Variants in DRG2 observed in about 807,000 individuals in gnomAD.
DRG2 encodes developmentally-regulated GTP-binding protein 2.
A neutral mutation model predicts 53.4 loss-of-function variants in DRG2; 36 were observed. The ratio of observed to expected loss-of-function variants is 0.67; its 90% CI spans 0.52 to 0.89. The LOEUF (loss-of-function observed/expected upper bound fraction) is 0.89. Ranked by LOEUF, DRG2 falls within the 40% of genes least tolerant of loss-of-function variation. The pLI is 0.00. For missense variants in DRG2, 342 were observed against 481.2 expected (o/e 0.71, Z 2.71); for synonymous variants, 167 against 192.1 (o/e 0.87, Z 1.08).
chr17:18,092,027 G>A (rs1174148902), intron 1 of DRG2: 2 of 152,284 alleles, frequency 1.3e-5, no homozygotes, highest in East Asian at 3.9e-4. Flanking sequence ...GACTGGGCAG[G>A]GGAGGCCTCT....
intron 8 of DRG2, 44 bp from the exon 9 acceptor site, chr17:18,101,877 C>G: frequency 6.3e-7 from 1 of 1,583,360 alleles, no homozygotes; most frequent in African/African-American, 1.3e-5. Flanking sequence ...TCCTGGATGC[C>G]TTGCTCCTGT....
Position 18,103,906 on chromosome 17 carries a change from G to A in DRG2, c.895+17G>A, listed in dbSNP as rs564468918. On this transcript the variant is annotated intron_variant, in intron 10 of 12. Transcript: ENST00000225729. The surrounding 1 kb of genome is among the most constrained non-coding windows in gnomAD (Gnocchi z 4.4). ...AGAGAGGACGTGAGTTGCACTGCGC[G>A]TAGCTGAAAAACAGGCTGAGCTTCA... The A allele has an allele frequency of 9.3e-6, 15 of 1,612,458 alleles. No individual in the cohort carries two copies. Among genetic ancestry groups the A allele is most frequent in the East Asian group, 2.2e-5 (1 of 44,882 alleles).
Position 18,104,776 on chromosome 17 carries a change from T to C in DRG2, c.954+95T>C. On this transcript the variant is annotated intron_variant, in intron 11 of 12. Transcript: ENST00000225729. ...GAGGTGCCCTGGGCTGGGGGTGGGCTCTGCTGGTCTCACTCTCAGATGTCA... is the reference window on the plus strand; with the variant it reads ...GAGGTGCCCTGGGCTGGGGGTGGGCCCTGCTGGTCTCACTCTCAGATGTCA... 4 of 1,583,990 alleles carry C rather than the reference T, an allele frequency of 2.5e-6. No individual in the cohort carries two copies. The South Asian group carries it at 4.5e-5, about 18-fold the overall frequency.
At position 18,103,689 on chromosome 17, in the gene DRG2, C is replaced by T; in HGVS notation, c.807-112C>T. ...TAATGGGCTTGTTTCCCTGTGGGTA[C>T]CAGCGGGCCACCTGGCCAGTGGAGG... On this transcript the variant is annotated intron_variant, in intron 9 of 12. Coordinates refer to ENST00000225729, the MANE Select transcript of DRG2 (RefSeq NM_001388.5). This position sits in a 1 kb window ranked among gnomAD's most constrained non-coding sequence, Gnocchi z 4.4. 1 of 951,796 alleles carries T rather than the reference C, an allele frequency of 1.1e-6. No homozygotes were observed. The highest frequency in any genetic ancestry group is 1.7e-6 in the Non-Finnish European group (1 of 598,958). The allele number at this position is 951,796 out of a possible 1,614,324, so 59.0% of individuals were successfully genotyped here.
rs774371504 is a variant in DRG2, at chr17:18,104,631, G to A, written c.904G>A (p.Asp302Asn). ...CCCATCCTGCCCTGCAGAGAGGCCA[G>A]ACTTCACAGACGCCATCATTCTCCG... ...IYTKKRGQRPDFTDAIILRKG... is the reference protein window; with the variant it reads ...IYTKKRGQRPNFTDAIILRKG... Residue 302 changes from aspartate to asparagine, a missense_variant, in exon 11 of 13, where the codon GAC (aspartate) becomes AAC (asparagine). Physicochemically the swap from Asp to Asn is conservative, Grantham distance 23 (BLOSUM62 1). Transcript: ENST00000225729. 6.2e-7 allele frequency: 1 copy of A among 1,613,916 alleles called. No homozygotes were observed. The highest frequency in any genetic ancestry group is 8.5e-7 in the Non-Finnish European group (1 of 1,180,028).
Position 18,098,991 on chromosome 17 carries a change from T to C in DRG2, c.316-26T>C, listed in dbSNP as rs1281539563. The C allele has an allele frequency of 6.2e-7, 1 of 1,613,582 alleles. No homozygotes were observed. Among genetic ancestry groups the C allele is most frequent in the East Asian group, 2.2e-5 (1 of 44,880 alleles). ...TTCCAGTGGAGGCCCAGCCTTGCCT[T>C]ACCTTTCTTCTCTTCTGCATCCTAG... is the stretch of plus-strand genomic sequence containing the variant. On this transcript the variant is annotated intron_variant, in intron 3 of 12. Coordinates refer to ENST00000225729, the MANE Select transcript of DRG2 (RefSeq NM_001388.5). The surrounding 1 kb of genome is among the most constrained non-coding windows in gnomAD (Gnocchi z 4.1).
At chr17:18,089,916 C>G (rs2045283661) in intron 1 of DRG2, among the ~76,000 whole-genome samples, 2 of 152,044 alleles carry the variant, frequency 1.3e-5, no homozygotes, top group Admixed American at 6.6e-5. Context: ...GGGTTGTGTT[C>G]TAAGGCAGTG....
chr17:18,090,393 TATATATA>T (rs1567598074), intron 1 of DRG2, among the ~76,000 whole-genome samples: 7 of 15,268 alleles, frequency 4.6e-4, no homozygotes, highest in African/African-American at 2.2e-3. Context: ...TATATATATA[TATATATA>T]TATATATTTT....
At position 18,099,514 on chromosome 17, in the gene DRG2, G is replaced by A. The variant is rs538507816; in HGVS notation, c.377-119G>A. 6 of 1,012,004 alleles carry A rather than the reference G, an allele frequency of 5.9e-6. No individual in the cohort carries two copies. Among genetic ancestry groups the A allele is most frequent in the Non-Finnish European group, 7.6e-6 (5 of 657,574 alleles). 62.7% of individuals were successfully genotyped at this position (1,012,004 alleles called of 1,614,324 possible). On this transcript the variant is annotated intron_variant, in intron 4 of 12. Coordinates refer to ENST00000225729, the MANE Select transcript of DRG2 (RefSeq NM_001388.5). This position sits in a 1 kb window ranked among gnomAD's most constrained non-coding sequence, Gnocchi z 4.4. ...TGGATTAAAGAAAAATGCCAAGCTT[G>A]TGCTAGTATGTGGCAGAGGCTGTGG...
Position 18,099,569 on chromosome 17 carries a change from G to A in DRG2, c.377-64G>A, listed in dbSNP as rs1023406053. On this transcript the variant is annotated intron_variant, in intron 4 of 12. Transcript: ENST00000225729. The surrounding 1 kb of genome is among the most constrained non-coding windows in gnomAD (Gnocchi z 4.4). Reference sequence around the variant, plus strand: ...TCTGTAAAGGACAGGAGTCCAGGGCGCCGTGGGCTGGGTAGCAGTCACATG... The same window carrying A: ...TCTGTAAAGGACAGGAGTCCAGGGCACCGTGGGCTGGGTAGCAGTCACATG... The A allele has an allele frequency of 1.0e-5, 16 of 1,524,158 alleles. No individual in the cohort carries two copies. Among genetic ancestry groups the A allele is most frequent in the East Asian group, 4.8e-5 (2 of 41,266 alleles). 94.4% of individuals were successfully genotyped at this position (1,524,158 alleles called of 1,614,324 possible).
In DRG2 at chr17:18,098,379, C is replaced by T. The variant is rs1489580098; in HGVS notation, c.315+20C>T. On this transcript the variant is annotated intron_variant, in intron 3 of 12. Coordinates refer to ENST00000225729, the MANE Select transcript of DRG2 (RefSeq NM_001388.5). This position sits in a 1 kb window ranked among gnomAD's most constrained non-coding sequence, Gnocchi z 4.1. ...ATTGAAGTAAGTGGGTGTGCTGGGC[C>T]CAGAAGGAGAAGGGGCGCATGCTTG... 1 of 1,609,694 alleles carries T rather than the reference C, an allele frequency of 6.2e-7. No individual in the cohort carries two copies. Among genetic ancestry groups the T allele is most frequent in the Non-Finnish European group, 8.5e-7 (1 of 1,176,168 alleles).
Position 18,100,408 on chromosome 17 carries a change from C to G in DRG2, c.513C>G (p.Asn171Lys), listed in dbSNP as rs2045510663. ...TGGAGTCTGTGGGCATCCGCCTCAA[C>G]AAGCACAAGCCTAACATCTACTTCA... is the stretch of plus-strand genomic sequence containing the variant. ...KELESVGIRL[N>K]KHKPNIYFKP... is the part of the protein sequence containing the mutation. The change falls in exon 6 of 13, where the codon AAC becomes AAG. Residue 171 changes from asparagine to lysine, a missense_variant. By Grantham distance (94) the Asn-to-Lys change is moderately conservative (BLOSUM62 0). Coordinates refer to ENST00000225729, the MANE Select transcript of DRG2 (RefSeq NM_001388.5). The surrounding 1 kb of genome is among the most constrained non-coding windows in gnomAD (Gnocchi z 4.1). 6.2e-7 allele frequency: 1 copy of G among 1,614,226 alleles called. No homozygotes were observed. Among genetic ancestry groups the G allele is most frequent in the East Asian group, 2.2e-5 (1 of 44,884 alleles).
rs1567602829 is a variant in DRG2 at position 18,099,238 on chromosome 17, T to A, written c.376+161T>A. ...TCAAATCCTTGGCACCAAACTAGCC[T>A]TGTGATCTTGGGCAAGTGATTGGGT... On this transcript the variant is annotated intron_variant, in intron 4 of 12. Transcript: ENST00000225729. The surrounding 1 kb of genome is among the most constrained non-coding windows in gnomAD (Gnocchi z 4.4). 2.2e-6 allele frequency: 2 copies of A among 905,392 alleles called. No individual in the cohort carries two copies. The highest frequency in any genetic ancestry group is 3.3e-6 in the Non-Finnish European group (2 of 601,246). 56.1% of individuals were successfully genotyped at this position (905,392 alleles called of 1,614,324 possible).
At position 18,104,696 on chromosome 17, in the gene DRG2, C is replaced by A. The variant is rs369062895; in HGVS notation, c.954+15C>A. 1.2e-6 allele frequency: 2 copies of A among 1,613,862 alleles called. No homozygotes were observed. Among genetic ancestry groups the A allele is most frequent in the Non-Finnish European group, 1.7e-6 (2 of 1,180,008 alleles). ...TGGAGCACGTGGTGAGTTGACAAGA[C>A]CTGCCGTGACAAGGGGTGGGAGCTC... On this transcript the variant is annotated intron_variant, in intron 11 of 12. Coordinates refer to ENST00000225729, the MANE Select transcript of DRG2 (RefSeq NM_001388.5).
chr17:18,107,373 T>TCCCTCAAGTCTCTGAAG lies in DRG2; in HGVS notation c.*133_*134insCCCTCAAGTCTCTGAAG. 3 of 881,586 alleles carry TCCCTCAAGTCTCTGAAG rather than the reference T, an allele frequency of 3.4e-6. No homozygotes were observed. The highest frequency in any genetic ancestry group is 3.5e-6 in the Non-Finnish European group (2 of 568,780). The allele number at this position is 881,586 out of a possible 1,614,324, so 54.6% of individuals were successfully genotyped here. The stretch of plus-strand genomic sequence containing the variant: ...AAGGGGTCCCTCAAGTCTCTGCTAT[T>TCCCTCAAGTCTCTGAAG]TACAGAAGTTTCTTCAGTAGGCAGA... On this transcript the variant is annotated 3_prime_UTR_variant, in exon 13 of 13. Coordinates refer to ENST00000225729, the MANE Select transcript of DRG2 (RefSeq NM_001388.5).
chr17:18,106,568 C>G, intron 12 of DRG2, 82 bp downstream of exon 12: 1 of 1,485,844 alleles, frequency 6.7e-7, no homozygotes, highest in Non-Finnish European at 9.4e-7. Context: ...CATTCACACT[C>G]TCTGCGTGGT....
chr17:18,094,457 G>T (rs2045391803), intron 2 of DRG2, among the ~76,000 whole-genome samples: 1 of 152,158 alleles, frequency 6.6e-6, no homozygotes, highest in African/African-American at 2.4e-5. Flanking sequence ...TTTGGGCAGG[G>T]GCCTGAAGGA....
intron 2 of DRG2, chr17:18,097,392 G>C (rs573571576): frequency 6.6e-6 from 1 of 152,384 alleles, no homozygotes; most frequent in African/African-American, 2.4e-5. Context: ...GCAGGGTCTG[G>C]ATAGCTGGCC....
At chr17:18,094,120 T>G in intron 2 of DRG2, 147 bp downstream of exon 2, 1 of 1,087,740 alleles carries the variant, frequency 9.2e-7, no homozygotes, top group Non-Finnish European at 1.3e-6. Flanking sequence ...TCCCAGCCCT[T>G]TATCATCCTA....
Sources: allele counts gnomAD v4.1 joint callset (sites outside exome capture counted in the v4.1 genomes callset), GRCh38; gene constraint gnomAD v4.1.1; non-coding constraint Gnocchi (gnomAD v3.1); transcripts MANE v1.5; gene names NCBI Gene and HGNC (gene_info 2026-07-23, HGNC 2026-07-21).